TSC22D1: variants seen among roughly 807,000 people sequenced by gnomAD.
The protein encoded by TSC22D1 is TSC22 domain family protein 1.
Under a neutral mutation model 74.2 loss-of-function variants are expected in TSC22D1, and 9 were observed. The observed-to-expected ratio is 0.12, with a 90% CI of 0.07 to 0.21. The LOEUF is 0.21. Among genes scored for constraint, TSC22D1 ranks in the 10% least tolerant of loss-of-function variants. The pLI, the probability that TSC22D1 is intolerant of heterozygous loss-of-function variation, is 1.00. For synonymous variants in TSC22D1, 586 were observed against 492.5 expected (o/e 1.19, Z -2.51); for missense variants, 1,427 against 1,304.7 (o/e 1.09, Z -1.44).
rs1400843627 is a variant in TSC22D1, at chr13:44,575,615, T to C, written c.460A>G (p.Ile154Val). Residue 154 changes from isoleucine to valine, a missense_variant, in exon 1 of 3, where the codon ATC (isoleucine) becomes GTC (valine). Ile to Val is a conservative substitution (Grantham distance 29). Around this residue, in one of 3 missense-constraint regions of TSC22D1, gnomAD observed 1,343 missense variants for 1,191.5 expected, o/e 1.13. Transcript: ENST00000458659. ...GCCCTGGAAAGTGACACATCAAGGA[T>C]CTCCGAAGAAGAGAGATCTTCCGTG... ...SHTEDLSSSE[I>V]LDVSLSRATD... 1.2e-6 allele frequency: 2 copies of C among 1,613,980 alleles called. No homozygotes were observed. The highest frequency in any genetic ancestry group is 2.2e-5 in the East Asian group (1 of 44,884).
At chr13:44,473,540 T>C (rs1011623435) in intron 1 of TSC22D1, among the ~76,000 whole-genome samples, 9 of 152,106 alleles carry the variant, frequency 5.9e-5, no homozygotes, top group African/African-American at 1.9e-4. Context: ...AACTGTACAA[T>C]TGGATGAGTA....
intron 1 of TSC22D1, among the ~76,000 whole-genome samples, chr13:44,477,907 C>T (rs1877997566): frequency 6.6e-6 from 1 of 152,116 alleles, no homozygotes; most frequent in South Asian, 2.1e-4. Context: ...TCCCAAAGTG[C>T]TGGGATTACA....
chr13:44,564,359 A>T (rs576958414), intron 1 of TSC22D1, among the ~76,000 whole-genome samples: 1 of 152,344 alleles, frequency 6.6e-6, no homozygotes, highest in South Asian at 2.1e-4. Flanking sequence ...ACGAACTGTA[A>T]TAAGCATTAT....
intron 1 of TSC22D1, among the ~76,000 whole-genome samples, chr13:44,565,184 A>G (rs1452557427): frequency 6.6e-6 from 1 of 152,172 alleles, no homozygotes; most frequent in Non-Finnish European, 1.5e-5. Flanking sequence ...CTGTCTTTAC[A>G]GCCATGGGAA....
At chr13:44,444,128 A>C (rs1875419877) in intron 1 of TSC22D1, among the ~76,000 whole-genome samples, 1 of 151,100 alleles carries the variant, frequency 6.6e-6, no homozygotes, top group Non-Finnish European at 1.5e-5. Context: ...AAAATACAAA[A>C]ATTAGCTGTG....
intron 1 of TSC22D1, among the ~76,000 whole-genome samples, chr13:44,455,953 A>G (rs1474579607): frequency 6.6e-6 from 1 of 152,220 alleles, no homozygotes; most frequent in Non-Finnish European, 1.5e-5. Context: ...AAGAAAGTCC[A>G]AAGACCATTG....
At chr13:44,517,857 A>ATATATTTTTTTTTT (rs10627677) in intron 1 of TSC22D1, among the ~76,000 whole-genome samples, 6 of 16,172 alleles carry the variant, frequency 3.7e-4, no homozygotes, top group Non-Finnish European at 8.4e-4. Context: ...ATATATATAT[A>ATATATTTTTTTTTT]TTTTTTTTTT....
At chr13:44,525,849 C>A (rs1880523301) in intron 1 of TSC22D1, among the ~76,000 whole-genome samples, 1 of 151,650 alleles carries the variant, frequency 6.6e-6, no homozygotes, top group South Asian at 2.1e-4. Context: ...ACCTGTAATC[C>A]CAGCATTTTG....
At chr13:44,547,711 T>C (rs548060847) in intron 1 of TSC22D1, among the ~76,000 whole-genome samples, 11 of 152,310 alleles carry the variant, frequency 7.2e-5, no homozygotes, top group East Asian at 1.9e-4. Context: ...TGGTTACAGG[T>C]AAATATTCAT....
At chr13:44,557,417 C>T (rs779268520) in intron 1 of TSC22D1, among the ~76,000 whole-genome samples, 3 of 152,194 alleles carry the variant, frequency 2.0e-5, no homozygotes, top group Non-Finnish European at 4.4e-5. Context: ...GCTGAGATCA[C>T]GTCACTGCAC....
Position 44,576,150 on chromosome 13 carries a change from G to A in TSC22D1, c.-76C>T, listed in dbSNP as rs111570577. The stretch of plus-strand genomic sequence containing the variant: ...CCGTAATCTTTGTATTGGAGACGCC[G>A]GAGAGGAAAACGGGACCTGACGCTC... On this transcript the variant is annotated 5_prime_UTR_variant, in exon 1 of 3. Coordinates refer to ENST00000458659, the MANE Select transcript of TSC22D1 (RefSeq NM_183422.4). 7,016 of 1,422,784 alleles carry A rather than the reference G, an allele frequency of 4.9e-3. 233 individuals carry two copies. In the African/African-American group the frequency reaches 0.078, roughly 16 times the overall value. The allele number at this position is 1,422,784 out of a possible 1,614,324, so 88.1% of individuals were successfully genotyped here.
At position 44,517,857 on chromosome 13, in the gene TSC22D1, A is replaced by ATATATATATATATTAT. The variant is rs10627677; in HGVS notation, c.2912+55305_2912+55306insATAATATATATATATA. ...TATATATATATATATATATATATAT[A>ATATATATATATATTAT]TTTTTTTTTTTTTTTTTTTTTTAAC... On this transcript the variant is annotated intron_variant, in intron 1 of 2. Transcript: ENST00000458659. 1.2e-4 allele frequency among the ~76,000 whole-genome samples: 2 copies of ATATATATATATATTAT among 16,178 alleles called. 1 individual carries two copies. The highest frequency in any genetic ancestry group is 3.6e-4 in the African/African-American group (2 of 5,496). The allele number at this position is 16,178 out of a possible 152,430, so 10.6% of individuals were successfully genotyped here. A position where few individuals can be genotyped will look rare whatever the true frequency, so the allele number is the denominator to read the frequency against.
chr13:44,467,056 G>A (rs556966882), intron 1 of TSC22D1, among the ~76,000 whole-genome samples: 21 of 152,132 alleles, frequency 1.4e-4, no homozygotes, highest in Non-Finnish European at 2.8e-4. Flanking sequence ...CCAGCTACCC[G>A]GAGACTGAGG....
intron 1 of TSC22D1, among the ~76,000 whole-genome samples, chr13:44,494,481 C>CG (rs1350709057): frequency 6.8e-6 from 1 of 147,870 alleles, no homozygotes; most frequent in Non-Finnish European, 1.5e-5. Flanking sequence ...CTGCTTGAGC[C>CG]TGGGAGGTCA....
At chr13:44,529,012 G>T (rs922924755) in intron 1 of TSC22D1, among the ~76,000 whole-genome samples, 2 of 151,952 alleles carry the variant, frequency 1.3e-5, no homozygotes, top group Non-Finnish European at 2.9e-5. Flanking sequence ...AGTTCTACCA[G>T]GTATCTCATG....
chr13:44,569,915 GA>G (rs1363529475), intron 1 of TSC22D1, among the ~76,000 whole-genome samples: 1 of 152,128 alleles, frequency 6.6e-6, no homozygotes, highest in Non-Finnish European at 1.5e-5. Flanking sequence ...AGTCTTGTGG[GA>G]AAGATTGGTA....
chr13:44,497,407 C>T (rs1000754987), intron 1 of TSC22D1, among the ~76,000 whole-genome samples: 1 of 152,090 alleles, frequency 6.6e-6, no homozygotes, highest in African/African-American at 2.4e-5. Context: ...CTGGGAATTG[C>T]CACTTTCTTT....
At chr13:44,531,085 C>T (rs1013853990) in intron 1 of TSC22D1, among the ~76,000 whole-genome samples, 5 of 152,066 alleles carry the variant, frequency 3.3e-5, no homozygotes, top group South Asian at 2.1e-4. Flanking sequence ...TAGAACTGCA[C>T]GACAGAAAGC....
intron 2 of TSC22D1, chr13:44,435,643 C>T: frequency 3.9e-6 from 1 of 259,554 alleles, no homozygotes; most frequent in Non-Finnish European, 7.5e-6. Flanking sequence ...TATCCAGGAT[C>T]CCGACTTCTG....
Sources: gnomAD v4.1 joint callset for allele counts (sites outside exome capture counted in the v4.1 genomes callset) on GRCh38, gnomAD v4.1.1 for gene constraint, gnomAD v4.1.1 regional missense constraint, MANE v1.5 for transcripts, NCBI Gene and HGNC (gene_info 2026-07-23, HGNC 2026-07-21) for gene names.